The following VSIR variants were observed in gnomAD, a reference collection of about 807,000 sequenced individuals.
VSIR encodes V-type immunoglobulin domain-containing suppressor of T-cell activation.
In VSIR, 10 loss-of-function variants were observed where a neutral mutation model predicts 31.0. The observed-to-expected ratio is 0.32, with a 90% CI of 0.20 to 0.55. The LOEUF (loss-of-function observed/expected upper bound fraction) is 0.55. Ranked by LOEUF, VSIR falls within the 20% of genes least tolerant of loss-of-function variation. The pLI is 0.93. For synonymous variants in VSIR, 179 were observed against 180.1 expected (o/e 0.99, Z 0.05); for missense variants, 356 against 416.2 (o/e 0.86, Z 1.26).
rs1338452838 is a variant in VSIR at position 71,747,669 on chromosome 10, G to A, written c.*3584C>T. 6.6e-6 allele frequency: 1 copy of A among 152,256 alleles called. No homozygotes were observed. Among genetic ancestry groups the A allele is most frequent in the African/African-American group, 2.4e-5 (1 of 41,458 alleles). The allele number at this position is 152,256 out of a possible 1,614,324, so 9.4% of individuals were successfully genotyped here. A position where few individuals can be genotyped will look rare whatever the true frequency, so the allele number is the denominator to read the frequency against. ...AAACCTCCCAGGATTTTCAGGGAAG[G>A]GGGTGGATCAAACAAGTTACAACAC... is the stretch of plus-strand genomic sequence containing the variant. On this transcript the variant is annotated 3_prime_UTR_variant, in exon 7 of 7. Transcript: ENST00000394957.
intron 3 of VSIR, among the ~76,000 whole-genome samples, chr10:71,757,898 G>A (rs1840191666): frequency 6.6e-6 from 1 of 152,204 alleles, no homozygotes; most frequent in African/African-American, 2.4e-5. Context: ...TGAGCTCACT[G>A]AGAAACCACA....
At chr10:71,752,127 C>A in intron 5 of VSIR, 1 of 626,100 alleles carries the variant, frequency 1.6e-6, no homozygotes, top group Non-Finnish European at 2.9e-6. Flanking sequence ...CAACCCCGGG[C>A]ACAGCCAGGA....
At chr10:71,773,298 C>A in intron 1 of VSIR, 60 bp downstream of exon 1, 1 of 1,534,772 alleles carries the variant, frequency 6.5e-7, no homozygotes, top group East Asian at 2.4e-5. Context: ...CCACAGTTCC[C>A]ACTCCAGTCT....
In VSIR at chr10:71,751,433, G is replaced by A. The variant is rs1839999663; in HGVS notation, c.899-143C>T. 5.5e-6 allele frequency: 2 copies of A among 366,914 alleles called. No homozygotes were observed. Among genetic ancestry groups the A allele is most frequent in the South Asian group, 8.5e-5 (2 of 23,566 alleles). 22.7% of individuals were successfully genotyped at this position (366,914 alleles called of 1,614,324 possible). A position where few individuals can be genotyped will look rare whatever the true frequency, so the allele number is the denominator to read the frequency against. On this transcript the variant is annotated intron_variant, in intron 6 of 6. Transcript: ENST00000394957. This position sits in a 1 kb window ranked among gnomAD's most constrained non-coding sequence, Gnocchi z 4.9. The stretch of plus-strand genomic sequence containing the variant: ...CTCAACCCCACCCCGTGAGGCCGTG[G>A]AACTCTTCAGGGAGGTGAATGGGGG...
At position 71,760,010 on chromosome 10, in the gene VSIR, TAC is replaced by T. The variant is rs1274523860; in HGVS notation, c.568+856_568+857del. Reference sequence around the variant, plus strand: ...ATATACACACACACATACATATATATACACACACACATATATACACACACACA... The same window carrying T: ...ATATACACACACACATACATATATATACACACACATATATACACACACACA... On this transcript the variant is annotated intron_variant, in intron 3 of 6. Transcript: ENST00000394957. 6.9e-4 allele frequency among the ~76,000 whole-genome samples: 67 copies of T among 96,602 alleles called. 16 individuals carry two copies. Among genetic ancestry groups the T allele is most frequent in the African/African-American group, 1.6e-3 (40 of 25,678 alleles). The allele number at this position is 96,602 out of a possible 152,430, so 63.4% of individuals were successfully genotyped here.
At position 71,761,730 on chromosome 10, in the gene VSIR, C is replaced by T. The variant is rs1323273262; in HGVS notation, c.379G>A (p.Gly127Ser). The change falls in exon 2 of 7, where the codon GGC (glycine) becomes AGC (serine). Residue 127 changes from glycine (G) to serine (S), a missense_variant. Gly to Ser is a moderately conservative substitution (Grantham distance 56). Coordinates refer to ENST00000394957, the MANE Select transcript of VSIR (RefSeq NM_022153.2). ...TTGCGCATGGTGATGGAGAAGTTGC[C>T]ATGGTGGTCGGAGGCCGACTCCAGC... ...HGLESASDHH[G>S]NFSITMRNLT... 1.9e-6 allele frequency: 3 copies of T among 1,613,978 alleles called. No homozygotes were observed. Among genetic ancestry groups the T allele is most frequent in the Non-Finnish European group, 2.5e-6 (3 of 1,180,038 alleles).
chr10:71,768,410 A>T (rs909702902), intron 1 of VSIR, among the ~76,000 whole-genome samples: 2 of 151,934 alleles, frequency 1.3e-5, no homozygotes, highest in African/African-American at 4.8e-5. Context: ...ACCTCATGTG[A>T]TCCACCCGCC....
At chr10:71,773,329 TC>T in intron 1 of VSIR, 28 bp downstream of exon 1, 1 of 1,582,060 alleles carries the variant, frequency 6.3e-7, no homozygotes, top group Non-Finnish European at 8.6e-7. Context: ...CCCAGCTTTT[TC>T]CCAGCGCCCC....
At position 71,751,240 on chromosome 10, in the gene VSIR, TC is replaced by T; in HGVS notation, c.*12del. The T allele has an allele frequency of 6.2e-7, 1 of 1,605,464 alleles. No homozygotes were observed. Among genetic ancestry groups the T allele is most frequent in the East Asian group, 2.2e-5 (1 of 44,636 alleles). On this transcript the variant is annotated 3_prime_UTR_variant, in exon 7 of 7. Transcript: ENST00000394957. This position sits in a 1 kb window ranked among gnomAD's most constrained non-coding sequence, Gnocchi z 4.9. ...CAGACCCAGCCACAACAGCCCACTG[TC>T]CCCCAGCTGGGCTAGATGACCTCAA...
intron 4 of VSIR, chr10:71,755,027 C>A: frequency 2.0e-6 from 1 of 500,146 alleles, no homozygotes; most frequent in South Asian, 1.5e-5. Context: ...TTAAACAGGT[C>A]CCCCAAGGAT....
rs201351495 is a variant in VSIR, at chr10:71,751,242, C to G, written c.*11G>C. On this transcript the variant is annotated 3_prime_UTR_variant, in exon 7 of 7. Coordinates refer to ENST00000394957, the MANE Select transcript of VSIR (RefSeq NM_022153.2). The surrounding 1 kb of genome is among the most constrained non-coding windows in gnomAD (Gnocchi z 4.9). The stretch of plus-strand genomic sequence containing the variant: ...GACCCAGCCACAACAGCCCACTGTC[C>G]CCCAGCTGGGCTAGATGACCTCAAA... The G allele has an allele frequency of 8.8e-4, 1,406 of 1,606,516 alleles. 11 individuals carry two copies. In the African/African-American group the frequency reaches 0.015, roughly 17 times the overall value.
At chr10:71,768,964 G>A (rs998266304) in intron 1 of VSIR, among the ~76,000 whole-genome samples, 3 of 152,192 alleles carry the variant, frequency 2.0e-5, no homozygotes, top group African/African-American at 7.2e-5. Flanking sequence ...AGCCTCTGGA[G>A]GTCTGGTGCC....
At chr10:71,770,016 C>T (rs541148934) in intron 1 of VSIR, among the ~76,000 whole-genome samples, 29 of 152,306 alleles carry the variant, frequency 1.9e-4, no homozygotes, top group Middle Eastern at 3.4e-3. Context: ...ACTGTGAGGG[C>T]CTACAGGGGC....
chr10:71,762,494 C>T (rs940180685), intron 1 of VSIR, among the ~76,000 whole-genome samples: 1 of 152,268 alleles, frequency 6.6e-6, no homozygotes, highest in Non-Finnish European at 1.5e-5. Flanking sequence ...AGAGCACCTG[C>T]GTGTGCAAGG....
chr10:71,770,140 G>A (rs1004854944), intron 1 of VSIR, among the ~76,000 whole-genome samples: 6 of 152,222 alleles, frequency 3.9e-5, no homozygotes, highest in African/African-American at 1.2e-4. Flanking sequence ...ATTAGGCCCT[G>A]TAGAGAGCAA....
intron 1 of VSIR, among the ~76,000 whole-genome samples, chr10:71,772,264 C>G (rs1840702159): frequency 6.6e-6 from 1 of 152,184 alleles, no homozygotes; most frequent in Non-Finnish European, 1.5e-5. Context: ...CTTCCAGGTT[C>G]AGCCTCCTCC....
Position 71,751,625 on chromosome 10 carries a change from G to T in VSIR, c.898+43C>A. The T allele has an allele frequency of 6.7e-7, 1 of 1,502,730 alleles. No homozygotes were observed. Among genetic ancestry groups the T allele is most frequent in the South Asian group, 1.4e-5 (1 of 74,072 alleles). The allele number at this position is 1,502,730 out of a possible 1,614,324, so 93.1% of individuals were successfully genotyped here. On this transcript the variant is annotated intron_variant, in intron 6 of 6. Coordinates refer to ENST00000394957, the MANE Select transcript of VSIR (RefSeq NM_022153.2). This position sits in a 1 kb window ranked among gnomAD's most constrained non-coding sequence, Gnocchi z 4.9. ...GATGCCCTGCAGGCCATGAGGTCATGACCTTACAGGTCATCGTGCTGTGAA... is the reference window on the plus strand; with the variant it reads ...GATGCCCTGCAGGCCATGAGGTCATTACCTTACAGGTCATCGTGCTGTGAA...
Position 71,756,239 on chromosome 10 carries a change from G to A in VSIR, c.569-773C>T, listed in dbSNP as rs542502444. ...TCTGAAGAGATCATCCCTGTGTGCCGGTTTTTGTGTTATGGTCCTAGTTAT... is the reference window on the plus strand; with the variant it reads ...TCTGAAGAGATCATCCCTGTGTGCCAGTTTTTGTGTTATGGTCCTAGTTAT... On this transcript the variant is annotated intron_variant, in intron 3 of 6. Transcript: ENST00000394957. 1.2e-4 allele frequency among the ~76,000 whole-genome samples: 19 copies of A among 152,246 alleles called. 1 individual carries two copies. The highest frequency in any genetic ancestry group is 2.9e-4 in the African/African-American group (12 of 41,556).
rs7921681 is a variant in VSIR, at chr10:71,750,083, C to T, written c.*1170G>A. 1.3e-5 allele frequency: 2 copies of T among 152,296 alleles called. No individual in the cohort carries two copies. The highest frequency in any genetic ancestry group is 4.8e-5 in the African/African-American group (2 of 41,418). The allele number at this position is 152,296 out of a possible 1,614,324, so 9.4% of individuals were successfully genotyped here. ...AGATGCCCCCTACTCTCCTCCCCTG[C>T]TTTAAAATCCTTCAATCACAATTCC... On this transcript the variant is annotated 3_prime_UTR_variant, in exon 7 of 7. Transcript: ENST00000394957.
Sources: allele counts gnomAD v4.1 joint callset (sites outside exome capture counted in the v4.1 genomes callset), GRCh38; gene constraint gnomAD v4.1.1; non-coding constraint Gnocchi (gnomAD v3.1); transcripts MANE v1.5; gene names NCBI Gene and HGNC (gene_info 2026-07-23, HGNC 2026-07-21).